PLEKHA7: variants seen among roughly 807,000 people sequenced by gnomAD.
The protein encoded by PLEKHA7 is pleckstrin homology domain-containing family A member 7.
In PLEKHA7, 104 loss-of-function variants were observed where a neutral mutation model predicts 170.0. That is an observed-to-expected ratio of 0.61 (90% CI 0.52 to 0.72). The LOEUF (loss-of-function observed/expected upper bound fraction) is 0.72, where lower values mean the gene tolerates loss of function less well. PLEKHA7 is among the 30% of genes least tolerant of loss of function. PLEKHA7 has a pLI of 0.00. For synonymous variants in PLEKHA7, 648 were observed against 660.8 expected (o/e 0.98, Z 0.30); for missense variants, 1,615 against 1,671.7 (o/e 0.97, Z 0.59).
chr11:16,800,825 G>C, intron 17 of PLEKHA7, 149 bp downstream of exon 17: 1 of 657,564 alleles, frequency 1.5e-6, no homozygotes, highest in Non-Finnish European at 2.7e-6. Context: ...GCTTGGGGTG[G>C]CTCCTTTACA....
chr11:16,975,121 C>T (rs1242636113), intron 3 of PLEKHA7: 2 of 469,590 alleles, frequency 4.3e-6, no homozygotes, highest in East Asian at 7.9e-5. Context: ...CATGTGTGCC[C>T]CACCACAATC....
chr11:16,924,587 T>G (rs1396521430), intron 3 of PLEKHA7, among the ~76,000 whole-genome samples: 1 of 151,980 alleles, frequency 6.6e-6, no homozygotes, highest in African/African-American at 2.4e-5. Flanking sequence ...AACTGAGGGA[T>G]GCACCCTTTC....
chr11:16,790,170 G>T, intron 21 of PLEKHA7: 1 of 431,518 alleles, frequency 2.3e-6, no homozygotes. Flanking sequence ...AGAAAGGCTG[G>T]CGGGGCAGGA....
At chr11:16,957,735 G>A (rs1241719604) in intron 3 of PLEKHA7, among the ~76,000 whole-genome samples, 8 of 108,936 alleles carry the variant, frequency 7.3e-5, no homozygotes, top group South Asian at 2.9e-4. Context: ...ACAGAGTCTC[G>A]CCCTGTTGCC....
At chr11:16,824,556 T>C (rs1224070591) in intron 10 of PLEKHA7, among the ~76,000 whole-genome samples, 1 of 152,212 alleles carries the variant, frequency 6.6e-6, no homozygotes, top group Non-Finnish European at 1.5e-5. Flanking sequence ...ATCATCCTTG[T>C]TGTTTCCTTC....
intron 3 of PLEKHA7, among the ~76,000 whole-genome samples, chr11:16,976,257 A>C (rs1355939829): frequency 6.6e-6 from 1 of 152,268 alleles, no homozygotes; most frequent in African/African-American, 2.4e-5. Flanking sequence ...GGAAATTGGC[A>C]AAGATCAGAG....
rs1209011166 is a variant in PLEKHA7 at position 17,014,311 on chromosome 11, C to T, written c.86+5G>A. 2 of 1,442,458 alleles carry T rather than the reference C, an allele frequency of 1.4e-6. No homozygotes were observed. The highest frequency in any genetic ancestry group is 3.1e-5 in the East Asian group (1 of 31,986). 89.4% of individuals were successfully genotyped at this position (1,442,458 alleles called of 1,614,324 possible). On this transcript the variant is annotated splice_donor_5th_base_variant and intron_variant, in intron 1 of 26. Coordinates refer to ENST00000531066, the MANE Select transcript of PLEKHA7 (RefSeq NM_001329630.2). ...TCCCCGCGTCCCCGGGTCCTCGCGCCGCACTTGATGAAGAAGACGCGGCCA... is the reference window on the plus strand; with the variant it reads ...TCCCCGCGTCCCCGGGTCCTCGCGCTGCACTTGATGAAGAAGACGCGGCCA...
chr11:16,839,051 C>T (rs1358792209), intron 9 of PLEKHA7, among the ~76,000 whole-genome samples: 1 of 152,062 alleles, frequency 6.6e-6, no homozygotes, highest in East Asian at 1.9e-4. Context: ...TATACTTTTA[C>T]CCAGCAATCT....
chr11:16,950,821 C>G (rs1390839991), intron 3 of PLEKHA7, among the ~76,000 whole-genome samples: 1 of 152,240 alleles, frequency 6.6e-6, no homozygotes, highest in East Asian at 1.9e-4. Flanking sequence ...ACTCCCAGGC[C>G]TTTATGCTAT....
chr11:16,906,487 G>C (rs1194138618), intron 3 of PLEKHA7, among the ~76,000 whole-genome samples: 1 of 140,966 alleles, frequency 7.1e-6, no homozygotes, highest in Non-Finnish European at 1.5e-5. Context: ...TGCCTGACTG[G>C]TTTTCGTATT....
chr11:16,826,001 A>T, intron 10 of PLEKHA7, 119 bp downstream of exon 10: 1 of 997,284 alleles, frequency 1.0e-6, no homozygotes, highest in Non-Finnish European at 1.5e-6. Context: ...GGATTTACGT[A>T]GGTAATGGCA....
chr11:16,851,357 G>C (rs1354201384), intron 7 of PLEKHA7, 66 bp from the exon 8 acceptor site: 1 of 1,239,514 alleles, frequency 8.1e-7, no homozygotes, highest in Non-Finnish European at 1.1e-6. Context: ...CTGTCCCACT[G>C]CTTCCAGAAC....
chr11:17,010,152 C>A (rs1865239510), intron 3 of PLEKHA7, among the ~76,000 whole-genome samples: 1 of 152,094 alleles, frequency 6.6e-6, no homozygotes, highest in African/African-American at 2.4e-5. Context: ...CTTTGGGAGG[C>A]TGAGGCAGGC....
intron 13 of PLEKHA7, among the ~76,000 whole-genome samples, chr11:16,804,637 T>C (rs1044193154): frequency 6.6e-6 from 1 of 152,240 alleles, no homozygotes; most frequent in Non-Finnish European, 1.5e-5. Context: ...ACCATTGTTT[T>C]ATCTTGGTAA....
intron 13 of PLEKHA7, among the ~76,000 whole-genome samples, chr11:16,809,279 T>A (rs749728491): frequency 2.0e-5 from 3 of 152,138 alleles, no homozygotes; most frequent in Non-Finnish European, 4.4e-5. Context: ...GCACCCCTGA[T>A]TCTGGAAGCT....
In PLEKHA7 at chr11:16,981,638, G is replaced by C. The variant is rs186139220; in HGVS notation, c.221+32351C>G. 1.8e-3 allele frequency among the ~76,000 whole-genome samples: 268 copies of C among 152,300 alleles called. 3 individuals are homozygous for C. The highest frequency in any genetic ancestry group is 0.013 in the Admixed American group (198 of 15,302). On this transcript the variant is annotated intron_variant, in intron 3 of 26. Transcript: ENST00000531066. ...AGGCTGCTAATAGTAGACGGGGTTG[G>C]GGGGCGGGGCGGGGAAGGAGCTGCA... is the stretch of plus-strand genomic sequence containing the variant.
At position 16,887,333 on chromosome 11, in the gene PLEKHA7, TC is replaced by T. The variant is rs563735882; in HGVS notation, c.222-16152del. 2.9e-4 allele frequency among the ~76,000 whole-genome samples: 43 copies of T among 147,100 alleles called. 1 individual carries two copies. In the South Asian group the frequency reaches 8.7e-3, roughly 30 times the overall value. On this transcript the variant is annotated intron_variant, in intron 3 of 26. Coordinates refer to ENST00000531066, the MANE Select transcript of PLEKHA7 (RefSeq NM_001329630.2). ...CCTCTCCCTCTCCCTCTCCCCACGG[TC>T]TCCCTCTCCCTCTCCCCACGGTCTG...
At chr11:16,783,038 G>T in intron 25 of PLEKHA7, 142 bp from the exon 26 acceptor site, 1 of 956,296 alleles carries the variant, frequency 1.0e-6, no homozygotes, top group Non-Finnish European at 1.5e-6. Context: ...CTAGACAAAG[G>T]TACATGCTTT....
chr11:16,995,261 C>G (rs1302505132), intron 3 of PLEKHA7, among the ~76,000 whole-genome samples: 1 of 152,216 alleles, frequency 6.6e-6, no homozygotes, highest in Non-Finnish European at 1.5e-5. Context: ...AGCACTGGGC[C>G]ACTCTGGCTT....
Sources: allele counts gnomAD v4.1 joint callset (sites outside exome capture counted in the v4.1 genomes callset), GRCh38; gene constraint gnomAD v4.1.1; transcripts MANE v1.5; gene names NCBI Gene and HGNC (gene_info 2026-07-23, HGNC 2026-07-21).